The following DTWD2 variants were observed in gnomAD, a reference collection of about 807,000 sequenced individuals.
DTWD2 encodes the protein tRNA-uridine aminocarboxypropyltransferase 2.
A neutral mutation model predicts 31.8 loss-of-function variants in DTWD2; 39 were observed. The ratio of observed to expected loss-of-function variants is 1.22; its 90% confidence interval spans 0.95 to 1.60. The LOEUF (loss-of-function observed/expected upper bound fraction) is 1.60, where lower values mean the gene tolerates loss of function less well. Ranked by LOEUF, DTWD2 falls within the 40% of genes most tolerant of loss-of-function variation. DTWD2 has a pLI of 0.00. For missense variants in DTWD2, 515 were observed against 381.5 expected (o/e 1.35, Z -2.92); for synonymous variants, 180 against 142.8 (o/e 1.26, Z -1.86).
At chr5:118,877,489 A>C (rs1017224907) in intron 4 of DTWD2, among the ~76,000 whole-genome samples, 3 of 151,962 alleles carry the variant, frequency 2.0e-5, no homozygotes, top group Non-Finnish European at 4.4e-5. Flanking sequence ...AAAAAAATAA[A>C]AAAAATAAAA....
chr5:118,905,370 C>T (rs1753305094), intron 4 of DTWD2, among the ~76,000 whole-genome samples: 1 of 152,024 alleles, frequency 6.6e-6, no homozygotes, highest in Admixed American at 6.6e-5. Flanking sequence ...GATGCTCCTG[C>T]TCTCTCCCCT....
rs577125909 is a variant in DTWD2 at position 118,988,308 on chromosome 5, C to G, written c.204G>C (p.Glu68Asp). ...LPVEPAERRP[E>D]CTRCSRPQKV... ...CCCGCGGTCACCTGCAGCGGGTGCA[C>G]TCAGGCCTCCGCTCGGCCGGCTCCA... is the stretch of plus-strand genomic sequence containing the variant. Residue 68 changes from glutamate to aspartate, a missense_variant, in exon 1 of 6, where the codon GAG becomes GAC. Physicochemically the swap from Glu to Asp is conservative, Grantham distance 45. Transcript: ENST00000510708. The G allele has an allele frequency of 5.9e-6, 9 of 1,524,346 alleles. No homozygotes were observed. The East Asian group carries it at 2.3e-4, about 38-fold the overall frequency. 94.4% of individuals were successfully genotyped at this position (1,524,346 alleles called of 1,614,324 possible).
intron 4 of DTWD2, among the ~76,000 whole-genome samples, chr5:118,888,928 T>G (rs547408178): frequency 6.6e-6 from 1 of 152,230 alleles, no homozygotes; most frequent in African/African-American, 2.4e-5. Flanking sequence ...AAAACTCTTA[T>G]GGATTTTTAA....
At chr5:118,941,641 G>A (rs1195561984) in intron 2 of DTWD2, among the ~76,000 whole-genome samples, 3 of 152,106 alleles carry the variant, frequency 2.0e-5, no homozygotes, top group South Asian at 2.1e-4. Context: ...ATAAACATAC[G>A]TGTGCATGTG....
intron 5 of DTWD2, among the ~76,000 whole-genome samples, chr5:118,843,600 C>T (rs898745638): frequency 2.0e-5 from 3 of 152,322 alleles, no homozygotes; most frequent in South Asian, 2.1e-4. Context: ...GGATGACATA[C>T]AGACCAAGAC....
chr5:118,895,381 G>C (rs1287019862), intron 4 of DTWD2, among the ~76,000 whole-genome samples: 1 of 152,124 alleles, frequency 6.6e-6, no homozygotes, highest in Non-Finnish European at 1.5e-5. Flanking sequence ...AAAATGGAAA[G>C]ATATCCCGTG....
At chr5:118,942,496 A>C (rs554682456) in intron 2 of DTWD2, among the ~76,000 whole-genome samples, 1 of 152,104 alleles carries the variant, frequency 6.6e-6, no homozygotes, top group East Asian at 1.9e-4. Context: ...AATAAATTAA[A>C]AATAAGGTAT....
intron 4 of DTWD2, among the ~76,000 whole-genome samples, chr5:118,854,188 G>A (rs951789264): frequency 6.6e-6 from 1 of 152,026 alleles, no homozygotes; most frequent in Non-Finnish European, 1.5e-5. Flanking sequence ...CATTTAATCT[G>A]AGAAATCTAT....
chr5:118,910,779 C>G (rs1430471717), intron 4 of DTWD2, among the ~76,000 whole-genome samples: 1 of 152,158 alleles, frequency 6.6e-6, no homozygotes, highest in Non-Finnish European at 1.5e-5. Context: ...TTATTGTTCA[C>G]AGTTCGGGAG....
At chr5:118,876,511 T>G (rs1318555772) in intron 4 of DTWD2, among the ~76,000 whole-genome samples, 2 of 151,876 alleles carry the variant, frequency 1.3e-5, no homozygotes, top group South Asian at 2.1e-4. Flanking sequence ...AGAAAAGAGA[T>G]ATGATTCAAA....
chr5:118,947,659 C>G (rs1256936664), intron 1 of DTWD2, among the ~76,000 whole-genome samples: 1 of 152,144 alleles, frequency 6.6e-6, no homozygotes, highest in African/African-American at 2.4e-5. Context: ...AGCGGGAAAA[C>G]AGGAATGCAT....
At chr5:118,946,985 G>T (rs531733021) in intron 1 of DTWD2, among the ~76,000 whole-genome samples, 6 of 152,066 alleles carry the variant, frequency 3.9e-5, no homozygotes, top group African/African-American at 1.4e-4. Context: ...CAAGTGATCC[G>T]CCCACCTCAG....
At position 118,977,994 on chromosome 5, in the gene DTWD2, C is replaced by A. The variant is rs561637265; in HGVS notation, c.218+10300G>T. Among the ~76,000 whole-genome samples the A allele has an allele frequency of 2.6e-5, 4 of 152,200 alleles. No homozygotes were observed. The South Asian group carries it at 8.3e-4, about 31-fold the overall frequency. On this transcript the variant is annotated intron_variant, in intron 1 of 5. Transcript: ENST00000510708. ...TAATTAAAACAGCCTGGTACTGGTA[C>A]AAAACCAGACACATAGACCAATGGA...
chr5:118,986,605 T>G (rs1755433060), intron 1 of DTWD2, among the ~76,000 whole-genome samples: 1 of 152,132 alleles, frequency 6.6e-6, no homozygotes, highest in African/African-American at 2.4e-5. Context: ...TGTAAAGAAG[T>G]TCACCCAGGG....
chr5:118,958,436 C>G (rs1400250600), intron 1 of DTWD2, among the ~76,000 whole-genome samples: 1 of 151,388 alleles, frequency 6.6e-6, no homozygotes, highest in Non-Finnish European at 1.5e-5. Context: ...CCAGCCAGGG[C>G]AACAAAGCAA....
Position 118,913,432 on chromosome 5 carries a change from T to TATATATATAC in DTWD2, c.597+15104_597+15105insGTATATATAT, listed in dbSNP as rs1554066461. Among the ~76,000 whole-genome samples the TATATATATAC allele has an allele frequency of 3.8e-4, 53 of 137,710 alleles. 1 individual carries two copies. Among genetic ancestry groups the TATATATATAC allele is most frequent in the Admixed American group, 2.1e-3 (29 of 13,938 alleles). The allele number at this position is 137,710 out of a possible 152,430, so 90.3% of individuals were successfully genotyped here. A position where few individuals can be genotyped will look rare whatever the true frequency, so the allele number is the denominator to read the frequency against. The stretch of plus-strand genomic sequence containing the variant: ...ATAGATATATATAGATATATATATA[T>TATATATATAC]ACACACACACACACACACGTGTGTG... On this transcript the variant is annotated intron_variant, in intron 4 of 5. Transcript: ENST00000510708.
chr5:118,986,326 C>T (rs1034829986), intron 1 of DTWD2, among the ~76,000 whole-genome samples: 23 of 152,100 alleles, frequency 1.5e-4, no homozygotes, highest in Non-Finnish European at 2.9e-4. Flanking sequence ...CTATATCTTG[C>T]AATAATAAAT....
chr5:118,932,089 G>GAT (rs2149580506), intron 3 of DTWD2, among the ~76,000 whole-genome samples: 1 of 152,158 alleles, frequency 6.6e-6, no homozygotes, highest in East Asian at 1.9e-4. Flanking sequence ...TGCTTAGAGA[G>GAT]ATATTCATAG....
intron 1 of DTWD2, among the ~76,000 whole-genome samples, chr5:118,966,827 C>G (rs1207216828): frequency 2.6e-5 from 4 of 151,904 alleles, no homozygotes; most frequent in African/African-American, 4.8e-5. Flanking sequence ...GTCAGGAGTG[C>G]GAGAACAGCC....
Sources: gnomAD v4.1 joint callset for allele counts (sites outside exome capture counted in the v4.1 genomes callset) on GRCh38, gnomAD v4.1.1 for gene constraint, MANE v1.5 for transcripts, NCBI Gene and HGNC (gene_info 2026-07-23, HGNC 2026-07-21) for gene names.